Variants in HFM1 observed in about 807,000 individuals in gnomAD.
HFM1 encodes probable ATP-dependent DNA helicase HFM1.
Under a neutral mutation model 192.1 loss-of-function variants are expected in HFM1, and 169 were observed. The observed-to-expected ratio is 0.88, with a 90% CI of 0.78 to 1.00. The LOEUF (loss-of-function observed/expected upper bound fraction) is 1.00. Among genes scored for constraint, HFM1 ranks in the 50% least tolerant of loss-of-function variants. HFM1 has a pLI of 0.00. For missense variants in HFM1, 1,661 were observed against 1,668.0 expected (o/e 1.00, Z 0.07); for synonymous variants, 525 against 537.8 (o/e 0.98, Z 0.33).
intron 4 of HFM1, among the ~76,000 whole-genome samples, chr1:91,386,331 C>T (rs1662216857): frequency 6.6e-6 from 1 of 152,198 alleles, no homozygotes; most frequent in South Asian, 2.1e-4. Flanking sequence ...TGCCAACAAC[C>T]AGCACTGACT....
At chr1:91,291,548 T>G (rs150603079) in intron 30 of HFM1, among the ~76,000 whole-genome samples, 3,532 of 152,186 alleles carry the variant, frequency 0.023, 118 homozygotes, top group African/African-American at 0.077. Context: ...GCTGAAATTG[T>G]GGCAATAATC....
upstream of HFM1, among the ~76,000 whole-genome samples, chr1:91,405,116 A>C (rs994148767): frequency 1.3e-5 from 2 of 152,056 alleles, no homozygotes; most frequent in Non-Finnish European, 2.9e-5. Flanking sequence ...CTTTCTCATC[A>C]AAGTTAGCCA....
chr1:91,374,776 G>C (rs532164552), intron 13 of HFM1, among the ~76,000 whole-genome samples: 1 of 152,242 alleles, frequency 6.6e-6, no homozygotes, highest in South Asian at 2.1e-4. Context: ...AGCTCAGTAA[G>C]GAAGTCTGGG....
intron 9 of HFM1, among the ~76,000 whole-genome samples, 163 bp from the exon 10 acceptor site, chr1:91,378,643 T>TA (rs1156725172): frequency 1.3e-5 from 2 of 152,086 alleles, no homozygotes; most frequent in African/African-American, 4.8e-5. Flanking sequence ...AAAAAATACT[T>TA]AAAGAATTTT....
chr1:91,280,968 T>C (rs1207095317), intron 30 of HFM1, among the ~76,000 whole-genome samples: 2 of 152,204 alleles, frequency 1.3e-5, no homozygotes, highest in Non-Finnish European at 2.9e-5. Context: ...TGTGACCATA[T>C]AGAACCTTCT....
In HFM1 at chr1:91,294,144, A is replaced by T. The variant is rs374770190; in HGVS notation, c.3392-17082T>A. Reference sequence around the variant, plus strand: ...CAGTGCACCAGCATGGCACATGTATACATATGTAACTAACCTGCACATTTT... The same window carrying T: ...CAGTGCACCAGCATGGCACATGTATTCATATGTAACTAACCTGCACATTTT... On this transcript the variant is annotated intron_variant, in intron 30 of 38. Coordinates refer to ENST00000370425, the MANE Select transcript of HFM1 (RefSeq NM_001017975.6). Among the ~76,000 whole-genome samples the T allele has an allele frequency of 2.2e-4, 34 of 152,052 alleles. No homozygotes were observed. The East Asian group carries it at 6.0e-3, about 27-fold the overall frequency.
intron 30 of HFM1, among the ~76,000 whole-genome samples, chr1:91,284,579 C>G (rs1667766796): frequency 6.6e-6 from 1 of 152,108 alleles, no homozygotes; most frequent in African/African-American, 2.4e-5. Context: ...CAGAATAATA[C>G]TGCAAATGAA....
At chr1:91,347,353 A>G in intron 19 of HFM1, 76 bp downstream of exon 19, 1 of 748,156 alleles carries the variant, frequency 1.3e-6, no homozygotes, top group Non-Finnish European at 2.1e-6. Flanking sequence ...ACAAAAGCAT[A>G]TTCTTACTTT....
rs556879295 is a variant in HFM1, at chr1:91,371,180, A to G, written c.1685+4178T>C. On this transcript the variant is annotated intron_variant, in intron 13 of 38. Coordinates refer to ENST00000370425, the MANE Select transcript of HFM1 (RefSeq NM_001017975.6). ...GGCCATACTGCCCAAGGTAATTTATAGATTCAATGCCATCCCCATCAAGCT... is the reference window on the plus strand; with the variant it reads ...GGCCATACTGCCCAAGGTAATTTATGGATTCAATGCCATCCCCATCAAGCT... Among the ~76,000 whole-genome samples the G allele has an allele frequency of 1.4e-4, 21 of 152,306 alleles. No homozygotes were observed. In the South Asian group the frequency reaches 4.4e-3, roughly 32 times the overall value.
At chr1:91,406,057 T>C (rs1288368805), upstream of HFM1, among the ~76,000 whole-genome samples, 3 of 152,202 alleles carry the variant, frequency 2.0e-5, no homozygotes, top group African/African-American at 4.8e-5. Context: ...GGTAATTAAC[T>C]CAAAAGGGTA....
At chr1:91,308,910 TA>T (rs1245997431) in intron 30 of HFM1, among the ~76,000 whole-genome samples, 5 of 152,052 alleles carry the variant, frequency 3.3e-5, no homozygotes, top group Non-Finnish European at 7.4e-5. Context: ...GCCTTTTTAT[TA>T]AGAATTTAGT....
At chr1:91,378,547 C>A in intron 9 of HFM1, 67 bp from the exon 10 acceptor site, 1 of 964,304 alleles carries the variant, frequency 1.0e-6, no homozygotes, top group Non-Finnish European at 1.6e-6. Context: ...ATTAAGATAT[C>A]AAAAACATTT....
intron 30 of HFM1, among the ~76,000 whole-genome samples, chr1:91,282,172 G>A (rs1570767876): frequency 6.6e-6 from 1 of 152,216 alleles, no homozygotes; most frequent in South Asian, 2.1e-4. Context: ...ACACTTATAA[G>A]TTAGATACTG....
intron 30 of HFM1, among the ~76,000 whole-genome samples, chr1:91,306,397 T>A (rs1649614466): frequency 6.6e-6 from 1 of 152,176 alleles, no homozygotes; most frequent in African/African-American, 2.4e-5. Context: ...AGAGTTTTTT[T>A]AAATCATAAA....
intron 30 of HFM1, among the ~76,000 whole-genome samples, chr1:91,312,437 A>C (rs533672732): frequency 1.3e-5 from 2 of 152,310 alleles, no homozygotes; most frequent in African/African-American, 4.8e-5. Context: ...CTGGAGTCAA[A>C]GGAGATCATT....
chr1:91,366,125 A>C (rs180795573), intron 13 of HFM1, among the ~76,000 whole-genome samples: 1 of 152,180 alleles, frequency 6.6e-6, no homozygotes, highest in African/African-American at 2.4e-5. Context: ...ATGTTTGCAA[A>C]AAAATGATTA....
In HFM1 at chr1:91,290,727, C is replaced by A. The variant is rs200482378; in HGVS notation, c.3392-13665G>T. The stretch of plus-strand genomic sequence containing the variant: ...TAATAGACATCTACAGAACTCTCCA[C>A]CCCAAATCAACAGAATATACATTTT... On this transcript the variant is annotated intron_variant, in intron 30 of 38. Transcript: ENST00000370425. 1.4e-3 allele frequency among the ~76,000 whole-genome samples: 218 copies of A among 152,222 alleles called. 3 individuals carry two copies. In the East Asian group the frequency reaches 0.023, roughly 16 times the overall value.
chr1:91,299,911 A>G lies in HFM1; in HGVS notation c.3391+13438T>C, dbSNP rs966909323. Among the ~76,000 whole-genome samples the G allele has an allele frequency of 1.1e-4, 16 of 152,344 alleles. No individual in the cohort carries two copies. In the South Asian group the frequency reaches 2.1e-3, roughly 20 times the overall value. On this transcript the variant is annotated intron_variant, in intron 30 of 38. Transcript: ENST00000370425. ...AGAGCAAACACATTCAAAAGCTAGC[A>G]GAAGTCAAGAAATAACTAAGATCAG... is the stretch of plus-strand genomic sequence containing the variant.
At chr1:91,268,153 T>C (rs1011800678) in intron 34 of HFM1, among the ~76,000 whole-genome samples, 1 of 152,046 alleles carries the variant, frequency 6.6e-6, no homozygotes, top group African/African-American at 2.4e-5. Flanking sequence ...GCCAATTCTA[T>C]TAACTGTATA....
Sources: allele counts gnomAD v4.1 joint callset (sites outside exome capture counted in the v4.1 genomes callset), GRCh38; gene constraint gnomAD v4.1.1; transcripts MANE v1.5; gene names NCBI Gene and HGNC (gene_info 2026-07-23, HGNC 2026-07-21).